The following TBC1D1 variants were observed in gnomAD, a reference collection of about 807,000 sequenced individuals.
TBC1D1 encodes the protein TBC1 domain family member 1, also known as TBC1 (tre-2/USP6, BUB2, cdc16) domain family, member 1.
TBC1D1 carries 89 observed loss-of-function variants against 125.6 expected under a neutral mutation model. The observed-to-expected ratio is 0.71, with a 90% CI of 0.60 to 0.85. TBC1D1 has a LOEUF of 0.85. Among genes scored for constraint, TBC1D1 ranks in the 40% least tolerant of loss-of-function variants. TBC1D1 has a pLI of 0.00. For missense variants in TBC1D1, 1,377 were observed against 1,469.2 expected, an observed-to-expected ratio of 0.94 and a Z score of 1.03; for synonymous variants, 565 against 564.1, an observed-to-expected ratio of 1.00 and a Z score of -0.02.
chr4:38,059,349 G>A (rs565973306), intron 12 of TBC1D1, among the ~76,000 whole-genome samples: 17 of 152,142 alleles, frequency 1.1e-4, no homozygotes, highest in African/African-American at 3.6e-4. Flanking sequence ...AGTAGGTCAC[G>A]TGCACAGCAG....
intron 3 of TBC1D1, among the ~76,000 whole-genome samples, chr4:38,015,614 G>T (rs1742548837): frequency 1.3e-5 from 2 of 152,186 alleles, no homozygotes; most frequent in Non-Finnish European, 2.9e-5. Context: ...GGAGTCCCCT[G>T]GGTCTGAACG....
At chr4:37,924,198 C>CA (rs1017436824) in intron 2 of TBC1D1, among the ~76,000 whole-genome samples, 1 of 152,116 alleles carries the variant, frequency 6.6e-6, no homozygotes, top group Non-Finnish European at 1.5e-5. Flanking sequence ...TCCCCCACAC[C>CA]ACCCCTGCCA....
At chr4:38,080,651 C>T (rs1411518538) in intron 12 of TBC1D1, among the ~76,000 whole-genome samples, 1 of 152,222 alleles carries the variant, frequency 6.6e-6, no homozygotes, top group Admixed American at 6.5e-5. Context: ...GACCTTTCCC[C>T]TTTCCCCACT....
intron 2 of TBC1D1, among the ~76,000 whole-genome samples, chr4:37,919,340 GTTTTTTTTT>G (rs60078358): frequency 1.4e-5 from 2 of 140,954 alleles, no homozygotes; most frequent in Admixed American, 1.5e-4. Flanking sequence ...GTTTGTTTTT[GTTTTTTTTT>G]TTTTTTGGTA....
At chr4:37,896,015 T>C (rs1315604582) in intron 1 of TBC1D1, among the ~76,000 whole-genome samples, 1 of 152,174 alleles carries the variant, frequency 6.6e-6, no homozygotes, top group African/African-American at 2.4e-5. Flanking sequence ...TGCAGTATAA[T>C]TCTGTTCAGG....
At chr4:38,112,493 C>T (rs1042131605) in intron 15 of TBC1D1, among the ~76,000 whole-genome samples, 1 of 152,144 alleles carries the variant, frequency 6.6e-6, no homozygotes, top group African/African-American at 2.4e-5. Context: ...TTCATAGCAA[C>T]CATTTGCATT....
At chr4:38,122,236 C>T (rs993518777) in intron 17 of TBC1D1, among the ~76,000 whole-genome samples, 11 of 152,204 alleles carry the variant, frequency 7.2e-5, no homozygotes, top group Non-Finnish European at 7.3e-5. Flanking sequence ...TACCCATAAC[C>T]TGCATCTCAT....
chr4:37,925,748 T>C (rs893213119), intron 2 of TBC1D1, among the ~76,000 whole-genome samples: 2 of 134,554 alleles, frequency 1.5e-5, no homozygotes, highest in African/African-American at 5.5e-5. Flanking sequence ...TGGAAAAAAA[T>C]AGTAACATAT....
chr4:38,044,365 T>G lies in TBC1D1; in HGVS notation c.1417T>G (p.Ser473Ala). The stretch of plus-strand genomic sequence containing the variant: ...TTTTCGTTTTTCACTTTTTTAGACA[T>G]CGCAGATGGCAGCAGAGAATATTGG... Residue 473 changes from serine to alanine, a missense_variant, in exon 9 of 20, where the codon TCG (serine) becomes GCG (alanine). Ser to Ala is a moderately conservative substitution (Grantham distance 99, BLOSUM62 1). Coordinates refer to ENST00000261439, the MANE Select transcript of TBC1D1 (RefSeq NM_015173.4). 1 of 1,599,554 alleles carries G rather than the reference T, an allele frequency of 6.3e-7. No homozygotes were observed. The highest frequency in any genetic ancestry group is 8.5e-7 in the Non-Finnish European group (1 of 1,176,594).
intron 12 of TBC1D1, among the ~76,000 whole-genome samples, chr4:38,082,244 C>T (rs1362894345): frequency 1.3e-5 from 2 of 152,260 alleles, no homozygotes; most frequent in East Asian, 3.9e-4. Context: ...GCCACTGTGA[C>T]GTGGCTGCTG....
intron 2 of TBC1D1, among the ~76,000 whole-genome samples, chr4:37,914,900 A>G (rs1427640865): frequency 1.3e-5 from 2 of 152,210 alleles, no homozygotes; most frequent in Non-Finnish European, 1.5e-5. Flanking sequence ...CCACCCACTC[A>G]AAAGTAGCCC....
intron 14 of TBC1D1, among the ~76,000 whole-genome samples, chr4:38,100,047 T>C (rs937685465): frequency 2.0e-5 from 3 of 152,230 alleles, no homozygotes; most frequent in African/African-American, 7.2e-5. Flanking sequence ...AAATCACTTA[T>C]CATGCTGACT....
At chr4:38,001,274 G>C (rs995307420) in intron 2 of TBC1D1, among the ~76,000 whole-genome samples, 3 of 152,090 alleles carry the variant, frequency 2.0e-5, no homozygotes, top group African/African-American at 7.2e-5. Flanking sequence ...AAATGGAAGA[G>C]ATACGTAAGG....
chr4:38,005,167 G>A lies in TBC1D1; in HGVS notation c.418-9342G>A, dbSNP rs557820521. ...GTTTGGATTGGAGGCCCCAGGATGC[G>A]GAAAAAGGGTGTGTAAGAGGAGGGT... On this transcript the variant is annotated intron_variant, in intron 2 of 19. Coordinates refer to ENST00000261439, the MANE Select transcript of TBC1D1 (RefSeq NM_015173.4). Among the ~76,000 whole-genome samples, 8 of 152,274 alleles carry A rather than the reference G, an allele frequency of 5.3e-5. No individual in the cohort carries two copies. The East Asian group carries it at 5.8e-4, about 11-fold the overall frequency.
At chr4:38,007,633 T>C (rs1740604678) in intron 2 of TBC1D1, among the ~76,000 whole-genome samples, 1 of 152,218 alleles carries the variant, frequency 6.6e-6, no homozygotes, top group Non-Finnish European at 1.5e-5. Context: ...TCCTTAGTAC[T>C]TCTGTAGCAC....
Position 38,088,168 on chromosome 4 carries a change from A to C in TBC1D1, c.2051-1764A>C, listed in dbSNP as rs925685233. On this transcript the variant is annotated intron_variant, in intron 12 of 19. Coordinates refer to ENST00000261439, the MANE Select transcript of TBC1D1 (RefSeq NM_015173.4). ...GATGGTAAAAGAATAAAAAAAAAGA[A>C]AGGAAAGGGCTCAAATTAAAGACTT... Among the ~76,000 whole-genome samples the C allele has an allele frequency of 8.5e-5, 13 of 152,170 alleles. No individual in the cohort carries two copies. The South Asian group carries it at 2.1e-3, about 24-fold the overall frequency.
intron 12 of TBC1D1, among the ~76,000 whole-genome samples, chr4:38,054,777 T>C (rs2152487465): frequency 6.6e-6 from 1 of 152,286 alleles, no homozygotes; most frequent in African/African-American, 2.4e-5. Flanking sequence ...AGAGATGAAG[T>C]GTGAGATTTG....
intron 11 of TBC1D1, among the ~76,000 whole-genome samples, chr4:38,051,227 C>T (rs986153275): frequency 2.6e-5 from 4 of 152,172 alleles, no homozygotes; most frequent in African/African-American, 9.7e-5. Flanking sequence ...GATGATGTCA[C>T]ACATCCGTAA....
At chr4:37,939,532 T>A (rs1330890828) in intron 2 of TBC1D1, among the ~76,000 whole-genome samples, 1 of 152,204 alleles carries the variant, frequency 6.6e-6, no homozygotes, top group African/African-American at 2.4e-5. Context: ...TTTCATTAGA[T>A]CCCATTTGTC....
Sources: allele counts gnomAD v4.1 joint callset (sites outside exome capture counted in the v4.1 genomes callset), GRCh38; gene constraint gnomAD v4.1.1; transcripts MANE v1.5; gene names NCBI Gene and HGNC (gene_info 2026-07-23, HGNC 2026-07-21).